ESRRB: variants seen among roughly 807,000 people sequenced by gnomAD.
The protein encoded by ESRRB is steroid hormone receptor ERR2.
A neutral mutation model predicts 46.0 loss-of-function variants in ESRRB; 16 were observed. That is an observed-to-expected ratio of 0.35 (90% CI 0.24 to 0.53). ESRRB has a LOEUF of 0.53. Among genes scored for constraint, ESRRB ranks in the 20% least tolerant of loss-of-function variants. The pLI is 0.93. For missense variants in ESRRB, 488 were observed against 607.4 expected, an observed-to-expected ratio of 0.80 and a Z score of 2.07; for synonymous variants, 246 against 259.6, an observed-to-expected ratio of 0.95 and a Z score of 0.50.
At position 76,482,603 on chromosome 14, in the gene ESRRB, A is replaced by G. The variant is rs780352821; in HGVS notation, c.694A>G (p.Lys232Glu). The change falls in exon 5 of 7, where the codon AAG becomes GAG. Residue 232 changes from lysine (K) to glutamate (E), a missense_variant. Transcript: ENST00000644823. This position sits in a 1 kb window ranked among gnomAD's most constrained non-coding sequence, Gnocchi z 4.3. ...TCCCTCTTTGGTTGTTGCAGTGACC[A>G]AGATTGTCTCATACCTACTGGTGGC... ...ISPPAKKPLTKIVSYLLVAEP... is the reference protein window; with the variant it reads ...ISPPAKKPLTEIVSYLLVAEP... The G allele has an allele frequency of 1.4e-5, 22 of 1,613,974 alleles. No individual in the cohort carries two copies. The African/African-American group carries it at 2.7e-4, about 20-fold the overall frequency.
chr14:76,450,845 G>C (rs749167695), intron 2 of ESRRB, among the ~76,000 whole-genome samples: 1 of 152,174 alleles, frequency 6.6e-6, no homozygotes, highest in African/African-American at 2.4e-5. Flanking sequence ...GGCTGACCTT[G>C]GGCAAGCAAG....
intron 1 of ESRRB, among the ~76,000 whole-genome samples, chr14:76,332,875 T>TATATTATA (rs1884052093): frequency 1.2e-3 from 10 of 8,112 alleles, no homozygotes; most frequent in Admixed American, 5.5e-3. Flanking sequence ...TAATATATTT[T>TATATTATA]TTTATATATT....
rs551519654 is a variant in ESRRB at position 76,437,020 on chromosome 14, AG to A, written c.51-2317del. On this transcript the variant is annotated intron_variant, in intron 1 of 6. Transcript: ENST00000644823. Reference sequence around the variant, plus strand: ...CCATAGTCAATGGCAGCCCCTCAGGAGGGGCTAATTAATTAATTAATCAATT... The same window carrying A: ...CCATAGTCAATGGCAGCCCCTCAGGAGGGCTAATTAATTAATTAATCAATT... Among the ~76,000 whole-genome samples the A allele has an allele frequency of 3.1e-3, 478 of 152,014 alleles. 6 individuals carry two copies. The highest frequency in any genetic ancestry group is 0.011 in the African/African-American group (458 of 41,458).
intron 2 of ESRRB, among the ~76,000 whole-genome samples, chr14:76,450,476 G>A (rs1402387465): frequency 6.6e-5 from 10 of 152,154 alleles, no homozygotes; most frequent in East Asian, 3.8e-4. Flanking sequence ...ACTCCTCCTT[G>A]AGTTCCCAGG....
chr14:76,439,592 C>T lies in ESRRB; in HGVS notation c.302C>T (p.Ala101Val), dbSNP rs528723972. ...TGCCGCAAGAGCTACGAGGACTGTG[C>T]CAGCGGCATCATGGAGGACTCGGCC... ...TPCRKSYEDC[A>V]SGIMEDSAIK... Residue 101 changes from alanine to valine, a missense_variant, in exon 2 of 7, where the codon GCC becomes GTC. By Grantham distance (64) the Ala-to-Val change is moderately conservative. Transcript: ENST00000644823. 3.8e-5 allele frequency: 61 copies of T among 1,614,194 alleles called. 1 individual carries two copies. The South Asian group carries it at 6.6e-4, about 17-fold the overall frequency.
At chr14:76,335,711 G>T (rs1000104613) in intron 1 of ESRRB, among the ~76,000 whole-genome samples, 8 of 152,056 alleles carry the variant, frequency 5.3e-5, no homozygotes, top group African/African-American at 1.4e-4. Flanking sequence ...TTCTCTTCCC[G>T]CCCCTCACCA....
chr14:76,370,225 TA>T (rs35273827), upstream of ESRRB, among the ~76,000 whole-genome samples: 31,855 of 140,030 alleles, frequency 0.23, 3,711 homozygotes, highest in Non-Finnish European at 0.28. Flanking sequence ...CCATCCCTGC[TA>T]AAAAAAAAAA....
intron 1 of ESRRB, among the ~76,000 whole-genome samples, chr14:76,343,578 G>A (rs1052928307): frequency 2.6e-5 from 4 of 152,354 alleles, no homozygotes; most frequent in South Asian, 2.1e-4. Flanking sequence ...GGTGGTGCTG[G>A]TTGTTGACTG....
intron 1 of ESRRB, among the ~76,000 whole-genome samples, chr14:76,332,327 G>C (rs1430452406): frequency 6.8e-6 from 1 of 147,488 alleles, no homozygotes; most frequent in African/African-American, 2.5e-5. Context: ...AAATTTTTGA[G>C]ACAGGGTCTC....
chr14:76,459,878 G>C (rs897545321), intron 2 of ESRRB, among the ~76,000 whole-genome samples: 2 of 152,044 alleles, frequency 1.3e-5, no homozygotes, highest in Admixed American at 6.5e-5. Flanking sequence ...GGTGGTGCCT[G>C]CTGGACTTGA....
chr14:76,498,907 G>A lies in ESRRB; in HGVS notation c.*449G>A, dbSNP rs774411245. The A allele has an allele frequency of 1.9e-6, 1 of 528,258 alleles. No individual in the cohort carries two copies. The highest frequency in any genetic ancestry group is 2.0e-5 in the Admixed American group (1 of 51,036). 32.7% of individuals were successfully genotyped at this position (528,258 alleles called of 1,614,324 possible). A position where few individuals can be genotyped will look rare whatever the true frequency, so the allele number is the denominator to read the frequency against. Reference sequence around the variant, plus strand: ...CACCTGGAGGTTTTCCTTCCGCAGAGGGCAGGTACGCAAGGGACAACAGTA... The same window carrying A: ...CACCTGGAGGTTTTCCTTCCGCAGAAGGCAGGTACGCAAGGGACAACAGTA... On this transcript the variant is annotated 3_prime_UTR_variant, in exon 7 of 7. Coordinates refer to ENST00000644823, the MANE Select transcript of ESRRB (RefSeq NM_001379180.1).
intron 1 of ESRRB, among the ~76,000 whole-genome samples, chr14:76,397,602 G>T (rs1182205961): frequency 6.6e-6 from 1 of 152,160 alleles, no homozygotes; most frequent in Non-Finnish European, 1.5e-5. Flanking sequence ...GGCAAAAATT[G>T]AGACAAAATA....
At chr14:76,460,827 G>A (rs1365003704) in intron 2 of ESRRB, among the ~76,000 whole-genome samples, 2 of 151,652 alleles carry the variant, frequency 1.3e-5, no homozygotes, top group African/African-American at 4.9e-5. Context: ...TCAGCCTTCC[G>A]AGTAGCTGTG....
At chr14:76,411,603 T>C (rs1886445751) in intron 1 of ESRRB, among the ~76,000 whole-genome samples, 1 of 152,164 alleles carries the variant, frequency 6.6e-6, no homozygotes, top group African/African-American at 2.4e-5. Flanking sequence ...TACTAGACAC[T>C]GTGTGTGTTG....
chr14:76,412,169 G>A (rs561111520), intron 1 of ESRRB, among the ~76,000 whole-genome samples: 2 of 152,282 alleles, frequency 1.3e-5, no homozygotes, highest in Admixed American at 6.5e-5. Context: ...AACAGACCTC[G>A]GACTCCGCCC....
intron 1 of ESRRB, among the ~76,000 whole-genome samples, chr14:76,357,297 G>A (rs1290344083): frequency 6.6e-6 from 1 of 152,148 alleles, no homozygotes; most frequent in Non-Finnish European, 1.5e-5. Context: ...AAATAATAAA[G>A]AGCCCTAATA....
intron 2 of ESRRB, among the ~76,000 whole-genome samples, chr14:76,449,056 T>G (rs1410666101): frequency 2.6e-5 from 4 of 152,192 alleles, no homozygotes; most frequent in African/African-American, 9.7e-5. Context: ...TAATTGAAAT[T>G]TTATGAGAAT....
chr14:76,325,131 A>G (rs111336580), intron 1 of ESRRB, among the ~76,000 whole-genome samples: 18,068 of 151,544 alleles, frequency 0.12, 1,386 homozygotes, highest in Middle Eastern at 0.16. Context: ...CGCCTAGCTA[A>G]TTTTTGTATT....
At chr14:76,491,087 G>T (rs1348679150) in intron 5 of ESRRB, among the ~76,000 whole-genome samples, 2 of 152,132 alleles carry the variant, frequency 1.3e-5, no homozygotes, top group Non-Finnish European at 2.9e-5. Flanking sequence ...CTGCCTCCTG[G>T]TTCCAGTATG....
Sources: allele counts gnomAD v4.1 joint callset (sites outside exome capture counted in the v4.1 genomes callset), GRCh38; gene constraint gnomAD v4.1.1; non-coding constraint Gnocchi (gnomAD v3.1); transcripts MANE v1.5; gene names NCBI Gene and HGNC (gene_info 2026-07-23, HGNC 2026-07-21).